TRHDE: variants seen among roughly 807,000 people sequenced by gnomAD.
TRHDE encodes the protein thyrotropin releasing hormone degrading enzyme, also known as thyrotropin-releasing hormone-degrading ectoenzyme.
TRHDE carries 72 observed loss-of-function variants against 125.7 expected under a neutral mutation model. The observed-to-expected ratio is 0.57, with a 90% CI of 0.47 to 0.70. TRHDE has a LOEUF of 0.70. Ranked by LOEUF, TRHDE falls within the 30% of genes least tolerant of loss-of-function variation. TRHDE has a pLI of 0.00. For synonymous variants in TRHDE, 509 were observed against 509.1 expected (o/e 1.00, Z 0.00); for missense variants, 1,110 against 1,327.1 (o/e 0.84, Z 2.54).
At chr12:72,488,213 T>G (rs1431179330) in intron 5 of TRHDE, among the ~76,000 whole-genome samples, 2 of 151,890 alleles carry the variant, frequency 1.3e-5, no homozygotes, top group African/African-American at 4.8e-5. Flanking sequence ...TCAAAAGACA[T>G]AGAGTGGCTG....
chr12:72,153,724 C>T (rs534404408), intron 2 of TRHDE, among the ~76,000 whole-genome samples: 47 of 152,256 alleles, frequency 3.1e-4, no homozygotes, highest in African/African-American at 1.1e-3. Flanking sequence ...GTTTCTTAAT[C>T]CTGAGTTCTA....
At chr12:72,389,720 A>C (rs534144552) in intron 3 of TRHDE, among the ~76,000 whole-genome samples, 1 of 152,272 alleles carries the variant, frequency 6.6e-6, no homozygotes, top group South Asian at 2.1e-4. Flanking sequence ...CCCATCTCCA[A>C]ATACTATCTT....
intron 12 of TRHDE, among the ~76,000 whole-genome samples, chr12:72,612,626 C>T (rs898382695): frequency 1.3e-5 from 2 of 152,080 alleles, no homozygotes; most frequent in African/African-American, 4.8e-5. Flanking sequence ...GATATTGATG[C>T]TTAGTATAAG....
chr12:72,287,577 GACACACAC>G (rs10606890), intron 2 of TRHDE, among the ~76,000 whole-genome samples: 19 of 147,706 alleles, frequency 1.3e-4, no homozygotes, highest in Non-Finnish European at 2.3e-4. Context: ...TCTATGTATA[GACACACAC>G]ACACACACAC....
intron 2 of TRHDE, among the ~76,000 whole-genome samples, chr12:72,345,038 A>G (rs1368048995): frequency 6.6e-6 from 1 of 152,078 alleles, no homozygotes; most frequent in East Asian, 1.9e-4. Context: ...TGATATGTTT[A>G]TTTATGTTGA....
chr12:72,616,420 G>A (rs1872813608), intron 12 of TRHDE, among the ~76,000 whole-genome samples: 1 of 152,116 alleles, frequency 6.6e-6, no homozygotes, highest in African/African-American at 2.4e-5. Flanking sequence ...TATAATGGGT[G>A]TCTGTCTCTT....
At chr12:72,442,058 C>T (rs997913031) in intron 3 of TRHDE, among the ~76,000 whole-genome samples, 12 of 151,704 alleles carry the variant, frequency 7.9e-5, no homozygotes, top group Non-Finnish European at 1.6e-4. Flanking sequence ...AACATTTCAC[C>T]TTGTAAAGAG....
At chr12:72,449,435 T>A (rs902171506) in intron 3 of TRHDE, among the ~76,000 whole-genome samples, 2 of 152,018 alleles carry the variant, frequency 1.3e-5, no homozygotes, top group Non-Finnish European at 2.9e-5. Context: ...TTTTTGAATT[T>A]TTTTTTCTGG....
In TRHDE at chr12:72,660,210, A is replaced by G. The variant is rs910839153; in HGVS notation, c.3067-2842A>G. ...AAAGATCAAAGACTTCAAGACTTTC[A>G]CTATTTCTTCTACTGCTATCTACTA... On this transcript the variant is annotated intron_variant, in intron 18 of 18. Coordinates refer to ENST00000261180, the MANE Select transcript of TRHDE (RefSeq NM_013381.3). 2.6e-5 allele frequency among the ~76,000 whole-genome samples: 4 copies of G among 152,306 alleles called. No individual in the cohort carries two copies. The South Asian group carries it at 8.3e-4, about 32-fold the overall frequency.
chr12:72,495,285 A>G (rs1463552749), intron 5 of TRHDE, among the ~76,000 whole-genome samples: 2 of 151,966 alleles, frequency 1.3e-5, no homozygotes, highest in African/African-American at 2.4e-5. Flanking sequence ...TCCTGTTTAC[A>G]TGCATCAAAT....
intron 15 of TRHDE, among the ~76,000 whole-genome samples, chr12:72,650,067 A>G (rs1874443908): frequency 6.6e-6 from 1 of 152,148 alleles, no homozygotes; most frequent in Admixed American, 6.6e-5. Context: ...TATCAAAAAC[A>G]TATTAGCATT....
intron 12 of TRHDE, among the ~76,000 whole-genome samples, chr12:72,591,632 G>GTTTTTGTT (rs750815686): frequency 6.4e-5 from 8 of 125,430 alleles, no homozygotes; most frequent in African/African-American, 1.3e-4. Context: ...AAGGATATGG[G>GTTTTTGTT]TTTTTTTTTT....
intron 2 of TRHDE, among the ~76,000 whole-genome samples, chr12:72,208,160 A>G (rs1431091645): frequency 1.3e-5 from 2 of 151,972 alleles, no homozygotes; most frequent in African/African-American, 4.8e-5. Flanking sequence ...GCTAATTTCT[A>G]CCTTCCATAT....
At chr12:72,232,637 C>G (rs1031274700) in intron 2 of TRHDE, among the ~76,000 whole-genome samples, 2 of 152,050 alleles carry the variant, frequency 1.3e-5, no homozygotes, top group African/African-American at 4.8e-5. Flanking sequence ...AATTTGAGAA[C>G]TCAGCCCCAG....
At chr12:72,183,446 A>G (rs112067078) in intron 2 of TRHDE, among the ~76,000 whole-genome samples, 18 of 152,342 alleles carry the variant, frequency 1.2e-4, no homozygotes, top group African/African-American at 4.1e-4. Flanking sequence ...TAGATAAGAT[A>G]TAATTCCCCA....
At chr12:72,638,044 A>G (rs1389622131) in intron 15 of TRHDE, among the ~76,000 whole-genome samples, 1 of 149,744 alleles carries the variant, frequency 6.7e-6, no homozygotes, top group South Asian at 2.2e-4. Context: ...GCTGAGTTCA[A>G]TTCCTGGGTA....
intron 3 of TRHDE, among the ~76,000 whole-genome samples, chr12:72,441,842 T>C (rs1303231870): frequency 6.6e-6 from 1 of 151,876 alleles, no homozygotes; most frequent in African/African-American, 2.4e-5. Flanking sequence ...CGATAGTGCT[T>C]GAAATATAAA....
At chr12:72,369,397 C>T (rs1871473089) in intron 2 of TRHDE, among the ~76,000 whole-genome samples, 1 of 152,062 alleles carries the variant, frequency 6.6e-6, no homozygotes, top group Admixed American at 6.6e-5. Context: ...AAGAAGAATA[C>T]ACAGGAGTAA....
At chr12:72,309,682 G>T (rs1479089324) in intron 2 of TRHDE, 1 of 149,404 alleles carries the variant, frequency 6.7e-6, no homozygotes, top group Non-Finnish European at 1.5e-5. Flanking sequence ...AAAAGGGTGT[G>T]TTTTTTTTTT....
Sources: gnomAD v4.1 joint callset for allele counts (sites outside exome capture counted in the v4.1 genomes callset) on GRCh38, gnomAD v4.1.1 for gene constraint, MANE v1.5 for transcripts, NCBI Gene and HGNC (gene_info 2026-07-23, HGNC 2026-07-21) for gene names.